OSBP2: variants seen among roughly 807,000 people sequenced by gnomAD.
OSBP2 encodes the protein oxysterol binding protein 2.
In OSBP2, 66 loss-of-function variants were observed where a neutral mutation model predicts 96.0. The ratio of observed to expected loss-of-function variants is 0.69; its 90% CI spans 0.56 to 0.84. The LOEUF (loss-of-function observed/expected upper bound fraction) is 0.84. Ranked by LOEUF, OSBP2 falls within the 40% of genes least tolerant of loss-of-function variation. The probability of loss-of-function intolerance (pLI) is 0.00; values close to 1 mark genes in which losing one functional copy is unlikely to be tolerated. For synonymous variants in OSBP2, 525 were observed against 520.9 expected, an observed-to-expected ratio of 1.01 and a Z score of -0.11; for missense variants, 1,038 against 1,222.7, an observed-to-expected ratio of 0.85 and a Z score of 2.25.
At chr22:30,862,384 G>T in intron 2 of OSBP2, among the ~76,000 whole-genome samples, 1 of 152,316 alleles carries the variant, frequency 6.6e-6, no homozygotes, top group East Asian at 1.9e-4. Context: ...CTAGGCTGTC[G>T]GTAAAGATCA....
At chr22:30,869,287 G>A (rs929239136) in intron 2 of OSBP2, among the ~76,000 whole-genome samples, 2 of 152,216 alleles carry the variant, frequency 1.3e-5, no homozygotes, top group African/African-American at 4.8e-5. Flanking sequence ...AGGGTGGCCA[G>A]CCAGGCAGTG....
rs770225007 is a variant in OSBP2, at chr22:30,881,479, TCTC to T, written c.1108-5941_1108-5939del. On this transcript the variant is annotated intron_variant, in intron 3 of 13. Coordinates refer to ENST00000332585, the MANE Select transcript of OSBP2 (RefSeq NM_030758.4). The surrounding 1 kb of genome is among the most constrained non-coding windows in gnomAD (Gnocchi z 4.5). ...GTAGGGGGCTTCAGGTCAGCCCGTC[TCTC>T]CTCCTGCTCACAGCTGAGCACGAGT... 2.8e-4 allele frequency among the ~76,000 whole-genome samples: 42 copies of T among 152,164 alleles called. No individual in the cohort carries two copies. Among genetic ancestry groups the T allele is most frequent in the Non-Finnish European group, 4.1e-4 (28 of 67,982 alleles).
chr22:30,805,558 G>T (rs2090917716), intron 2 of OSBP2, among the ~76,000 whole-genome samples: 1 of 152,210 alleles, frequency 6.6e-6, no homozygotes, highest in African/African-American at 2.4e-5. Context: ...GTTTGCACAG[G>T]ATTGGCATGT....
In OSBP2 at chr22:30,873,377, G is replaced by A. The variant is rs374094348; in HGVS notation, c.1107+2695G>A. 1.5e-3 allele frequency among the ~76,000 whole-genome samples: 228 copies of A among 152,244 alleles called. 1 individual carries two copies. The highest frequency in any genetic ancestry group is 5.1e-3 in the African/African-American group (210 of 41,560). Reference sequence around the variant, plus strand: ...CGGGATCCCAACCTCAAAGATCTCCGTGAGTCCCTGGAGTGTCTTACCTTT... The same window carrying A: ...CGGGATCCCAACCTCAAAGATCTCCATGAGTCCCTGGAGTGTCTTACCTTT... On this transcript the variant is annotated intron_variant, in intron 3 of 13. Coordinates refer to ENST00000332585, the MANE Select transcript of OSBP2 (RefSeq NM_030758.4).
intron 1 of OSBP2, among the ~76,000 whole-genome samples, chr22:30,725,065 A>G (rs1412231275): frequency 1.3e-5 from 2 of 151,504 alleles, no homozygotes; most frequent in East Asian, 3.9e-4. Flanking sequence ...AGTCCCAGCT[A>G]CTCGGGAGGC....
chr22:30,742,792 A>G (rs1035167050), intron 2 of OSBP2, among the ~76,000 whole-genome samples: 4 of 152,294 alleles, frequency 2.6e-5, no homozygotes, highest in Middle Eastern at 6.8e-3. Context: ...CTGTGCTGCC[A>G]TGAGTAACCT....
rs192581874 is a variant in OSBP2 at position 30,710,963 on chromosome 22, C to G, written c.644+15410C>G. Among the ~76,000 whole-genome samples the G allele has an allele frequency of 1.3e-4, 20 of 152,090 alleles. No individual in the cohort carries two copies. In the East Asian group the frequency reaches 2.1e-3, roughly 16 times the overall value. ...TTCACCATGTTGGCCAGGCTGGTCT[C>G]GAACTCCTTGACCTCAGGCGATCCG... On this transcript the variant is annotated intron_variant, in intron 1 of 13. Transcript: ENST00000332585.
At chr22:30,767,198 C>T (rs991211214) in intron 2 of OSBP2, among the ~76,000 whole-genome samples, 1 of 148,742 alleles carries the variant, frequency 6.7e-6, no homozygotes, top group Non-Finnish European at 1.5e-5. Flanking sequence ...AAATCCCAGG[C>T]ACTCTGGAGG....
intron 2 of OSBP2, among the ~76,000 whole-genome samples, chr22:30,841,176 AAAAC>A (rs530764783): frequency 6.6e-6 from 1 of 152,128 alleles, no homozygotes; most frequent in Non-Finnish European, 1.5e-5. Context: ...CAAAAACAAA[AAAAC>A]AAAAAATAAA....
At chr22:30,896,062 C>T (rs1370957321) in intron 12 of OSBP2, among the ~76,000 whole-genome samples, 1 of 151,628 alleles carries the variant, frequency 6.6e-6, no homozygotes, top group Non-Finnish European at 1.5e-5. Flanking sequence ...CTCTGTCGCC[C>T]AGGCTAGAGT....
intron 2 of OSBP2, among the ~76,000 whole-genome samples, chr22:30,779,303 G>A (rs2145804547): frequency 7.0e-6 from 1 of 143,120 alleles, no homozygotes; most frequent in Admixed American, 7.2e-5. Context: ...GTTTTGCCAT[G>A]TTGGCCAGGC....
intron 1 of OSBP2, among the ~76,000 whole-genome samples, chr22:30,702,079 C>T (rs1460116973): frequency 2.0e-5 from 3 of 152,172 alleles, no homozygotes; most frequent in Non-Finnish European, 4.4e-5. Context: ...CTGAATACCT[C>T]TGAGTCATAC....
chr22:30,828,559 G>A lies in OSBP2; in HGVS notation c.854-41870G>A, dbSNP rs186836644. Among the ~76,000 whole-genome samples, 28 of 152,344 alleles carry A rather than the reference G, an allele frequency of 1.8e-4. No individual in the cohort carries two copies. In the Middle Eastern group the frequency reaches 0.01, roughly 56 times the overall value. ...GCTTGAGGCATGCAGGAGTCCATGA[G>A]CTCTGAGGAAAGGCATTGCGAGTGG... On this transcript the variant is annotated intron_variant, in intron 2 of 13. Transcript: ENST00000332585.
At chr22:30,866,855 C>T (rs1231133129) in intron 2 of OSBP2, among the ~76,000 whole-genome samples, 3 of 152,232 alleles carry the variant, frequency 2.0e-5, no homozygotes, top group Non-Finnish European at 1.5e-5. Context: ...CATTCTCTCT[C>T]GGTTCTGAAC....
intron 2 of OSBP2, among the ~76,000 whole-genome samples, chr22:30,814,563 TG>T (rs1311665334): frequency 6.6e-6 from 1 of 151,870 alleles, no homozygotes; most frequent in African/African-American, 2.4e-5. Context: ...CTTGAGTAGC[TG>T]GGACTACAGG....
intron 2 of OSBP2, among the ~76,000 whole-genome samples, chr22:30,755,310 T>G (rs1422675509): frequency 6.6e-6 from 1 of 152,168 alleles, no homozygotes; most frequent in African/African-American, 2.4e-5. Context: ...ATCAGGAGAC[T>G]TCCCTGCTGG....
chr22:30,717,582 A>ATAGC (rs2089483755), intron 1 of OSBP2, among the ~76,000 whole-genome samples: 1 of 152,198 alleles, frequency 6.6e-6, no homozygotes, highest in African/African-American at 2.4e-5. Context: ...CTCACTAGCT[A>ATAGC]TAAAGCCCTG....
At chr22:30,787,335 C>T (rs757272236) in intron 2 of OSBP2, among the ~76,000 whole-genome samples, 1 of 152,028 alleles carries the variant, frequency 6.6e-6, no homozygotes, top group Non-Finnish European at 1.5e-5. Context: ...GGGGAAGCCC[C>T]TTATAAAACC....
At chr22:30,884,008 G>A (rs1391027882) in intron 3 of OSBP2, among the ~76,000 whole-genome samples, 1 of 152,166 alleles carries the variant, frequency 6.6e-6, no homozygotes, top group Non-Finnish European at 1.5e-5. Context: ...GGGAGCAGTG[G>A]AGTCAGGCCT....
Sources: gnomAD v4.1 joint callset for allele counts (sites outside exome capture counted in the v4.1 genomes callset) on GRCh38, gnomAD v4.1.1 for gene constraint, Gnocchi (gnomAD v3.1) non-coding constraint, MANE v1.5 for transcripts, NCBI Gene and HGNC (gene_info 2026-07-23, HGNC 2026-07-21) for gene names.